Variants in CNGB3 observed in about 807,000 individuals in gnomAD.
CNGB3 encodes cyclic nucleotide gated channel subunit beta 3.
In CNGB3, 86 loss-of-function variants were observed where a neutral mutation model predicts 92.8. The observed-to-expected ratio is 0.93, with a 90% CI of 0.78 to 1.11. The LOEUF is 1.11. Ranked by LOEUF, CNGB3 falls within the 50% of genes least tolerant of loss-of-function variation. The pLI is 0.00. For missense variants in CNGB3, 1,026 were observed against 956.8 expected (o/e 1.07, Z -0.95); for synonymous variants, 333 against 332.7 (o/e 1.00, Z -0.01).
At chr8:86,641,256 T>G (rs1286090217) in intron 10 of CNGB3, among the ~76,000 whole-genome samples, 1 of 152,032 alleles carries the variant, frequency 6.6e-6, no homozygotes, top group Non-Finnish European at 1.5e-5. Context: ...GCCTACCCCT[T>G]TCCCTGAAAA....
chr8:86,704,784 C>A (rs1462965238), intron 3 of CNGB3, among the ~76,000 whole-genome samples: 2 of 152,196 alleles, frequency 1.3e-5, no homozygotes, highest in Non-Finnish European at 2.9e-5. Context: ...ATTCTTTAGG[C>A]TCTCTTTTCA....
chr8:86,643,097 T>A (rs566788125), intron 10 of CNGB3, among the ~76,000 whole-genome samples: 1 of 149,116 alleles, frequency 6.7e-6, no homozygotes, highest in African/African-American at 2.4e-5. Context: ...CAACTCAGGA[T>A]ACACACACAC....
intron 15 of CNGB3, among the ~76,000 whole-genome samples, chr8:86,599,337 A>C (rs1822242022): frequency 6.6e-6 from 1 of 152,078 alleles, no homozygotes; most frequent in African/African-American, 2.4e-5. Context: ...TTGCCTCAGG[A>C]CCCTGGGATG....
At position 86,644,624 on chromosome 8, in the gene CNGB3, G is replaced by A. The variant is rs755515261; in HGVS notation, c.1053C>T (p.Tyr351=). 6 of 1,600,210 alleles carry A rather than the reference G, an allele frequency of 3.7e-6. No individual in the cohort carries two copies. The South Asian group carries it at 4.4e-5, about 12-fold the overall frequency. The change falls in exon 9 of 18, where the codon TAC becomes TAT. Residue 351 remains tyrosine (Y), a splice_region_variant and synonymous_variant. Coordinates refer to ENST00000320005, the MANE Select transcript of CNGB3 (RefSeq NM_019098.5). Reference sequence around the variant, plus strand: ...AAGTATACTGAGTTATACTTTACCTGTAGATATATGCTTTGTCCATTATAG... The same window carrying A: ...AAGTATACTGAGTTATACTTTACCTATAGATATATGCTTTGTCCATTATAG... The part of the protein sequence containing the change: ...LESIMDKAYI[Y]RVIRTTGYLL...
chr8:86,669,435 A>G (rs1345388956), intron 4 of CNGB3, among the ~76,000 whole-genome samples: 1 of 152,248 alleles, frequency 6.6e-6, no homozygotes, highest in Non-Finnish European at 1.5e-5. Context: ...GGTGTTACAA[A>G]TAGAGTATTT....
At chr8:86,635,182 AC>A (rs1162316939) in intron 10 of CNGB3, among the ~76,000 whole-genome samples, 1 of 152,110 alleles carries the variant, frequency 6.6e-6, no homozygotes, top group Non-Finnish European at 1.5e-5. Flanking sequence ...TTGCATTTTA[AC>A]TTTTCAAATT....
At chr8:86,730,926 T>C (rs1825145585) in intron 2 of CNGB3, among the ~76,000 whole-genome samples, 1 of 152,150 alleles carries the variant, frequency 6.6e-6, no homozygotes, top group Non-Finnish European at 1.5e-5. Context: ...ATACTTTATA[T>C]TAAAAACATG....
rs140224590 is a variant in CNGB3, at chr8:86,592,304, C to T, written c.1781+11789G>A. ...AAATGCAGAAATCACCCGTCTTCTG[C>T]GTCGCTCAGGCTGGGAGCTGTAGAC... On this transcript the variant is annotated intron_variant, in intron 15 of 17. Coordinates refer to ENST00000320005, the MANE Select transcript of CNGB3 (RefSeq NM_019098.5). 2.9e-3 allele frequency among the ~76,000 whole-genome samples: 440 copies of T among 152,332 alleles called. 15 individuals carry two copies. The East Asian group carries it at 0.071, about 25-fold the overall frequency.
chr8:86,659,341 G>T (rs2131607906), intron 6 of CNGB3: 2 of 1,165,780 alleles, frequency 1.7e-6, no homozygotes, highest in Non-Finnish European at 2.6e-6. Context: ...TGCTGTAACT[G>T]CTGGTTAGCA....
In CNGB3 at chr8:86,574,894, ATG is replaced by A. The variant is rs987575318; in HGVS notation, c.*908_*909del. On this transcript the variant is annotated 3_prime_UTR_variant, in exon 18 of 18. Coordinates refer to ENST00000320005, the MANE Select transcript of CNGB3 (RefSeq NM_019098.5). ...AATTGTGGGGATATGTCAATCTGAC[ATG>A]TGTAGAGTCTGCCTTCCTAACCTCA... The A allele has an allele frequency of 2.4e-4, 31 of 127,694 alleles. No homozygotes were observed. The highest frequency in any genetic ancestry group is 1.6e-3 in the Admixed American group (21 of 13,490). 7.9% of individuals were successfully genotyped at this position (127,694 alleles called of 1,614,324 possible). A position where few individuals can be genotyped will look rare whatever the true frequency, so the allele number is the denominator to read the frequency against.
intron 14 of CNGB3, 31 bp from the exon 15 acceptor site, chr8:86,604,242 G>C: frequency 7.4e-7 from 1 of 1,342,952 alleles, no homozygotes; most frequent in South Asian, 1.2e-5. Flanking sequence ...GGAAATGGTA[G>C]TTACTTTATT....
At chr8:86,626,773 T>A (rs1822857249) in intron 12 of CNGB3, among the ~76,000 whole-genome samples, 1 of 152,210 alleles carries the variant, frequency 6.6e-6, no homozygotes, top group Non-Finnish European at 1.5e-5. Context: ...CAGATTTTTC[T>A]ACATGTGAAT....
chr8:86,709,501 T>C (rs2131657090), intron 3 of CNGB3, among the ~76,000 whole-genome samples: 1 of 152,262 alleles, frequency 6.6e-6, no homozygotes, highest in East Asian at 1.9e-4. Flanking sequence ...TGCAATGAAA[T>C]GAATCATTAG....
intron 1 of CNGB3, among the ~76,000 whole-genome samples, chr8:86,740,770 G>A (rs1825326649): frequency 6.6e-6 from 1 of 152,164 alleles, no homozygotes; most frequent in South Asian, 2.1e-4. Context: ...CATTAGGCAA[G>A]GCAGCTATTA....
chr8:86,677,229 C>T (rs931335047), intron 3 of CNGB3, among the ~76,000 whole-genome samples: 9 of 152,158 alleles, frequency 5.9e-5, no homozygotes, highest in Non-Finnish European at 1.2e-4. Flanking sequence ...TTGTTTTAAG[C>T]CACCCAGTTT....
chr8:86,724,824 T>A (rs943719501), intron 3 of CNGB3, among the ~76,000 whole-genome samples: 2 of 151,944 alleles, frequency 1.3e-5, no homozygotes, highest in African/African-American at 4.8e-5. Context: ...TGCAAAAGCC[T>A]GCGGCAGGAG....
chr8:86,679,463 G>A (rs1362951189), intron 3 of CNGB3, among the ~76,000 whole-genome samples: 1 of 152,124 alleles, frequency 6.6e-6, no homozygotes, highest in Admixed American at 6.6e-5. Flanking sequence ...GAAGTCATAA[G>A]GATAAGGCCC....
intron 11 of CNGB3, among the ~76,000 whole-genome samples, chr8:86,632,198 CAAAA>C (rs71275869): frequency 4.3e-5 from 3 of 70,558 alleles, no homozygotes; most frequent in African/African-American, 4.2e-5. Context: ...GACCCTGTCT[CAAAA>C]AAAAAAAAAA....
intron 3 of CNGB3, among the ~76,000 whole-genome samples, chr8:86,713,147 A>C (rs1666834518): frequency 6.6e-6 from 1 of 152,146 alleles, no homozygotes; most frequent in African/African-American, 2.4e-5. Context: ...AATTTTAACT[A>C]TAGGAGATGT....
Sources: allele counts gnomAD v4.1 joint callset (sites outside exome capture counted in the v4.1 genomes callset), GRCh38; gene constraint gnomAD v4.1.1; transcripts MANE v1.5; gene names NCBI Gene and HGNC (gene_info 2026-07-23, HGNC 2026-07-21).